ENTHD1: variants seen among roughly 807,000 people sequenced by gnomAD.
ENTHD1 encodes the protein ENTH domain-containing protein 1.
ENTHD1 carries 23 observed loss-of-function variants against 39.1 expected under a neutral mutation model. The observed-to-expected ratio is 0.59, with a 90% CI of 0.42 to 0.83. The LOEUF is 0.83. ENTHD1 is among the 40% of genes least tolerant of loss of function. The pLI, the probability that ENTHD1 is intolerant of heterozygous loss-of-function variation, is 0.00. For missense variants in ENTHD1, 624 were observed against 705.4 expected, an observed-to-expected ratio of 0.88 and a Z score of 1.31; for synonymous variants, 230 against 258.2, an observed-to-expected ratio of 0.89 and a Z score of 1.05.
intron 6 of ENTHD1, among the ~76,000 whole-genome samples, chr22:39,745,412 C>G (rs1283323540): frequency 6.6e-6 from 1 of 152,176 alleles, no homozygotes; most frequent in African/African-American, 2.4e-5. Context: ...ATATTCATGT[C>G]CCTTCTAAAC....
chr22:39,851,078 C>A (rs1335258042), intron 3 of ENTHD1, among the ~76,000 whole-genome samples: 2 of 152,098 alleles, frequency 1.3e-5, no homozygotes, highest in African/African-American at 4.8e-5. Flanking sequence ...TTCACCCTCA[C>A]CCTTAAATCA....
intron 6 of ENTHD1, among the ~76,000 whole-genome samples, chr22:39,755,280 A>C (rs2065176418): frequency 6.6e-6 from 1 of 152,202 alleles, no homozygotes; most frequent in Non-Finnish European, 1.5e-5. Context: ...GGAAATCTTA[A>C]AGAAGTGATA....
At chr22:39,802,521 G>A (rs1326352368) in intron 5 of ENTHD1, among the ~76,000 whole-genome samples, 1 of 152,184 alleles carries the variant, frequency 6.6e-6, no homozygotes, top group Non-Finnish European at 1.5e-5. Flanking sequence ...TATCACACAA[G>A]GTAGGTCAGA....
At chr22:39,891,475 CTT>C (rs58033623) in intron 1 of ENTHD1, among the ~76,000 whole-genome samples, 32 of 142,594 alleles carry the variant, frequency 2.2e-4, no homozygotes, top group Admixed American at 2.8e-4. Context: ...ATTATAATCA[CTT>C]TTTTTTTTTT....
At chr22:39,806,151 A>G (rs2065638881) in intron 5 of ENTHD1, among the ~76,000 whole-genome samples, 1 of 152,240 alleles carries the variant, frequency 6.6e-6, no homozygotes, top group South Asian at 2.1e-4. Flanking sequence ...CTGGCTTCAG[A>G]TCAGACTTGA....
At chr22:39,847,906 A>C (rs756831608) in intron 3 of ENTHD1, among the ~76,000 whole-genome samples, 2 of 152,224 alleles carry the variant, frequency 1.3e-5, no homozygotes, top group Non-Finnish European at 1.5e-5. Context: ...CTGTAGTCAG[A>C]AGTGCAGGCA....
At chr22:39,772,699 G>A (rs1327285986) in intron 5 of ENTHD1, among the ~76,000 whole-genome samples, 1 of 151,948 alleles carries the variant, frequency 6.6e-6, no homozygotes, top group Non-Finnish European at 1.5e-5. Context: ...TTTTCAGACT[G>A]GATAAAAAAG....
intron 5 of ENTHD1, among the ~76,000 whole-genome samples, chr22:39,786,066 G>A (rs2065454933): frequency 6.6e-6 from 1 of 152,094 alleles, no homozygotes; most frequent in Non-Finnish European, 1.5e-5. Context: ...CACGCCCATA[G>A]TATTCCTTCC....
At chr22:39,778,377 T>C (rs1178706170) in intron 5 of ENTHD1, among the ~76,000 whole-genome samples, 4 of 152,134 alleles carry the variant, frequency 2.6e-5, no homozygotes, top group African/African-American at 9.7e-5. Context: ...ACTATGTAAA[T>C]ATGACAGTGA....
intron 3 of ENTHD1, among the ~76,000 whole-genome samples, chr22:39,848,939 C>T (rs552983604): frequency 5.3e-5 from 8 of 152,068 alleles, no homozygotes; most frequent in Admixed American, 3.3e-4. Context: ...AAAAATTATC[C>T]GAGTATTATT....
intron 3 of ENTHD1, among the ~76,000 whole-genome samples, chr22:39,841,345 C>T (rs917069355): frequency 1.3e-5 from 2 of 152,150 alleles, no homozygotes; most frequent in East Asian, 1.9e-4. Flanking sequence ...CATTAGGGAG[C>T]GCTCTTAGAA....
intron 5 of ENTHD1, among the ~76,000 whole-genome samples, chr22:39,800,245 T>A (rs554892587): frequency 3.3e-4 from 50 of 152,354 alleles, no homozygotes; most frequent in African/African-American, 1.1e-3. Context: ...TCTGCTCCTA[T>A]GCCTTAGGTG....
rs2066107049 is a variant in ENTHD1 at position 39,857,820 on chromosome 22, A to AT, written c.592+3944_592+3945insA. Among the ~76,000 whole-genome samples, 9 of 152,340 alleles carry AT rather than the reference A, an allele frequency of 5.9e-5. No homozygotes were observed. In the South Asian group the frequency reaches 1.9e-3, roughly 32 times the overall value. On this transcript the variant is annotated intron_variant, in intron 3 of 6. Transcript: ENST00000325157. ...GTATGCAATACCATGCTGCCTAAAA[A>AT]ATATATATACATAATTAAATAATAC... is the stretch of plus-strand genomic sequence containing the variant.
chr22:39,753,143 GAA>G (rs1287345126), intron 6 of ENTHD1, among the ~76,000 whole-genome samples: 1 of 152,194 alleles, frequency 6.6e-6, no homozygotes, highest in African/African-American at 2.4e-5. Flanking sequence ...TCCAATATGA[GAA>G]AGTGTAGAAT....
At chr22:39,754,326 C>T (rs971412830) in intron 6 of ENTHD1, among the ~76,000 whole-genome samples, 1 of 152,224 alleles carries the variant, frequency 6.6e-6, no homozygotes, top group African/African-American at 2.4e-5. Flanking sequence ...GCCCAGGCTG[C>T]TCAGTCCCAC....
intron 2 of ENTHD1, among the ~76,000 whole-genome samples, chr22:39,862,636 T>A (rs2083488997): frequency 6.6e-6 from 1 of 152,082 alleles, no homozygotes; most frequent in Non-Finnish European, 1.5e-5. Context: ...GAATTAGATC[T>A]AGATATACTG....
At chr22:39,756,819 T>C (rs915401650) in intron 6 of ENTHD1, among the ~76,000 whole-genome samples, 2 of 152,150 alleles carry the variant, frequency 1.3e-5, no homozygotes, top group African/African-American at 4.8e-5. Flanking sequence ...AGCTTCTAAG[T>C]ATAAAAATGA....
intron 3 of ENTHD1, among the ~76,000 whole-genome samples, chr22:39,860,252 G>T (rs1388145002): frequency 5.3e-5 from 8 of 152,140 alleles, no homozygotes; most frequent in Non-Finnish European, 1.2e-4. Context: ...AGAAAGAACT[G>T]ACAAAAGAAA....
intron 4 of ENTHD1, among the ~76,000 whole-genome samples, chr22:39,828,267 T>C (rs776593852): frequency 6.6e-6 from 1 of 152,196 alleles, no homozygotes; most frequent in Non-Finnish European, 1.5e-5. Flanking sequence ...CTTTACCCTG[T>C]GATGTTGTCT....
Sources: allele counts gnomAD v4.1 joint callset (sites outside exome capture counted in the v4.1 genomes callset), GRCh38; gene constraint gnomAD v4.1.1; transcripts MANE v1.5; gene names NCBI Gene and HGNC (gene_info 2026-07-23, HGNC 2026-07-21).